The following CLEC4M variants were observed in gnomAD, a reference collection of about 807,000 sequenced individuals.
CLEC4M encodes CD209 antigen-like protein 1.
A neutral mutation model predicts 39.1 loss-of-function variants in CLEC4M; 25 were observed. The observed-to-expected ratio is 0.64, with a 90% confidence interval of 0.47 to 0.89. The LOEUF (loss-of-function observed/expected upper bound fraction) is 0.89, where lower values mean the gene tolerates loss of function less well. Among genes scored for constraint, CLEC4M ranks in the 40% least tolerant of loss-of-function variants. CLEC4M has a pLI of 0.00. For missense variants in CLEC4M, 353 were observed against 431.4 expected, an observed-to-expected ratio of 0.82 and a Z score of 1.61; for synonymous variants, 155 against 177.4, an observed-to-expected ratio of 0.87 and a Z score of 1.00.
chr19:7,766,944 G>A, intron 5 of CLEC4M, 137 bp downstream of exon 5: 3 of 1,447,926 alleles, frequency 2.1e-6, no homozygotes, highest in Non-Finnish European at 2.8e-6. Context: ...TATGAATGAA[G>A]GGGTCCCAGG....
Position 7,763,294 on chromosome 19 carries a change from C to T in CLEC4M, c.28C>T (p.Gln10Ter). 1 of 1,608,296 alleles carries T rather than the reference C, an allele frequency of 6.2e-7. No individual in the cohort carries two copies. The highest frequency in any genetic ancestry group is 8.5e-7 in the Non-Finnish European group (1 of 1,177,182). Residue 10 changes from glutamine to a stop codon, truncating the protein, a stop_gained, in exon 1 of 7, where the codon CAG becomes TAG. Transcript: ENST00000327325. LOFTEE classifies it high-confidence loss of function. ...GAGTGACTCCAAGGAACCAAGGGTG[C>T]AGCAGCTGGGCCTCCTGGGTAAGGC... MSDSKEPRV[Q>*]QLGLLEEDPT...
rs756357978 is a variant in CLEC4M at position 7,766,780 on chromosome 19, C to T, written c.909C>T (p.Leu303=). Residue 303 remains leucine, a synonymous_variant, in exon 5 of 7, where the codon CTC becomes CTT. Transcript: ENST00000327325. ...VTACQEVRAQ[L]VVIKTAEEQN... is the part of the protein sequence containing the mutation. The stretch of plus-strand genomic sequence containing the variant: ...CCTGCCAGGAAGTGAGGGCCCAGCT[C>T]GTCGTAATCAAAACTGCTGAGGAGC... The T allele has an allele frequency of 1.7e-5, 27 of 1,614,054 alleles. No homozygotes were observed. Among genetic ancestry groups the T allele is most frequent in the East Asian group, 1.3e-4 (6 of 44,890 alleles).
chr19:7,766,178 A>C lies in CLEC4M; in HGVS notation c.755A>C (p.Gln252Pro). Residue 252 changes from glutamine (Q) to proline (P), a missense_variant, in exon 4 of 7, where the codon CAA (glutamine) becomes CCA (proline). Around this residue, in one of 4 missense-constraint regions of CLEC4M, gnomAD observed 196 missense variants for 211.7 expected, o/e 0.93. Transcript: ENST00000327325. Reference protein sequence around the residue: ...PDQSKQQQIYQELTDLKTAFE... With the variant: ...PDQSKQQQIYPELTDLKTAFE... ...CAGTCCAAGCAGCAGCAAATCTATCAAGAACTGACCGATTTGAAGACTGCA... is the reference window on the plus strand; with the variant it reads ...CAGTCCAAGCAGCAGCAAATCTATCCAGAACTGACCGATTTGAAGACTGCA... The C allele has an allele frequency of 1.2e-6, 2 of 1,614,238 alleles. No homozygotes were observed.
intron 6 of CLEC4M, chr19:7,768,628 C>T: frequency 2.2e-6 from 1 of 447,296 alleles, no homozygotes. Context: ...AAAATCACAG[C>T]CTCAGTAGGA....
rs1385246806 is a variant in CLEC4M at position 7,766,690 on chromosome 19, A to G, written c.819A>G (p.Thr273=). 4 of 1,614,232 alleles carry G rather than the reference A, an allele frequency of 2.5e-6. No homozygotes were observed. The East Asian group carries it at 6.7e-5, about 27-fold the overall frequency. The part of the protein sequence containing the change: ...RLCRHCPKDW[T]FFQGNCYFMS... ...GCCGCCACTGTCCCAAGGACTGGAC[A>G]TTCTTCCAAGGAAACTGTTACTTCA... is the stretch of plus-strand genomic sequence containing the variant. The change falls in exon 5 of 7, where the codon ACA becomes ACG. Residue 273 remains threonine, a synonymous_variant. Transcript: ENST00000327325.
At chr19:7,767,091 T>C (rs749517894) in intron 5 of CLEC4M, 270 of 505,016 alleles carry the variant, frequency 5.3e-4, no homozygotes, top group Non-Finnish European at 7.7e-4. Context: ...TGATGTGTTG[T>C]GTTTGCCAAT....
At chr19:7,767,217 C>T (rs566402872) in intron 5 of CLEC4M, 9 of 436,014 alleles carry the variant, frequency 2.1e-5, no homozygotes, top group Non-Finnish European at 2.1e-5. Context: ...TCCAATGTGG[C>T]TCCAGTACAT....
intron 3 of CLEC4M, 44 bp from the exon 4 acceptor site, chr19:7,765,594 C>T (rs761463467): frequency 6.2e-7 from 1 of 1,612,218 alleles, no homozygotes; most frequent in Non-Finnish European, 8.5e-7. Flanking sequence ...GCTTGGCACA[C>T]AGTAGGTGTT....
At chr19:7,764,351 T>C (rs1302837869) in intron 2 of CLEC4M, among the ~76,000 whole-genome samples, 1 of 152,168 alleles carries the variant, frequency 6.6e-6, no homozygotes, top group Non-Finnish European at 1.5e-5. Context: ...ATCTGCCTAG[T>C]GACCTTGCAG....
At position 7,768,937 on chromosome 19, in the gene CLEC4M, T is replaced by C. The variant is rs1247877494; in HGVS notation, c.1149T>C (p.Val383=). 1.2e-6 allele frequency: 2 copies of C among 1,613,994 alleles called. No homozygotes were observed. Among genetic ancestry groups the C allele is most frequent in the Non-Finnish European group, 1.7e-6 (2 of 1,180,004 alleles). Residue 383 remains valine, a synonymous_variant, in exon 7 of 7, where the codon GTT becomes GTC. Transcript: ENST00000327325. ...GCTGGAACGACAATCGATGTGACGT[T>C]GACAATTACTGGATCTGCAAAAAGC... ...GSGWNDNRCD[V]DNYWICKKPA... is the part of the protein sequence containing the mutation.
In CLEC4M at chr19:7,769,045, T is replaced by C; in HGVS notation, c.*57T>C. Reference sequence around the variant, plus strand: ...GGTATAGCAGAACTTCACCCACTTGTAAGCCAGCGCTTCTTCTCTCCATCC... The same window carrying C: ...GGTATAGCAGAACTTCACCCACTTGCAAGCCAGCGCTTCTTCTCTCCATCC... On this transcript the variant is annotated 3_prime_UTR_variant, in exon 7 of 7. Transcript: ENST00000327325. The C allele has an allele frequency of 1.9e-6, 3 of 1,566,010 alleles. No homozygotes were observed. The highest frequency in any genetic ancestry group is 8.7e-7 in the Non-Finnish European group (1 of 1,145,692).
rs750171731 is a variant in CLEC4M at position 7,768,927 on chromosome 19, G to A, written c.1139G>A (p.Arg380Gln). The A allele has an allele frequency of 1.9e-5, 31 of 1,613,992 alleles. No individual in the cohort carries two copies. The highest frequency in any genetic ancestry group is 3.3e-4 in the Middle Eastern group (2 of 6,084). The change falls in exon 7 of 7, where the codon CGA (arginine) becomes CAA (glutamine). Residue 380 changes from arginine (R) to glutamine (Q), a missense_variant. This residue lies in a region of CLEC4M where 196 missense variants were observed against 211.7 expected (regional missense o/e 0.93). Coordinates refer to ENST00000327325, the MANE Select transcript of CLEC4M (RefSeq NM_014257.5). ...AGTGGCAGTGGCTGGAACGACAATC[G>A]ATGTGACGTTGACAATTACTGGATC... The part of the protein sequence containing the change: ...EFSGSGWNDN[R>Q]CDVDNYWICK...
intron 4 of CLEC4M, 51 bp from the exon 5 acceptor site, chr19:7,766,605 G>C (rs780003860): frequency 5.6e-6 from 9 of 1,610,966 alleles, no homozygotes; most frequent in Non-Finnish European, 7.6e-6. Context: ...GCAGATATGG[G>C]AATATGGACA....
rs1427296672 is a variant in CLEC4M, at chr19:7,768,942, A to G, written c.1154A>G (p.Asn385Ser). 6.2e-7 allele frequency: 1 copy of G among 1,614,108 alleles called. No individual in the cohort carries two copies. The highest frequency in any genetic ancestry group is 1.7e-5 in the Admixed American group (1 of 60,018). The stretch of plus-strand genomic sequence containing the variant: ...AACGACAATCGATGTGACGTTGACA[A>G]TTACTGGATCTGCAAAAAGCCCGCA... ...GWNDNRCDVD[N>S]YWICKKPAAC... Residue 385 changes from asparagine to serine, a missense_variant, in exon 7 of 7, where the codon AAT becomes AGT. Asn to Ser is a conservative substitution (Grantham distance 46, BLOSUM62 1). Around this residue, in one of 4 missense-constraint regions of CLEC4M, gnomAD observed 196 missense variants for 211.7 expected, o/e 0.93. Transcript: ENST00000327325.
chr19:7,765,299 C>T, intron 3 of CLEC4M, 31 bp downstream of exon 3: 1 of 1,611,768 alleles, frequency 6.2e-7, no homozygotes, highest in Middle Eastern at 1.7e-4. Context: ...GTCTGGGGTC[C>T]CCAGGCCTGG....
intron 2 of CLEC4M, 25 bp downstream of exon 2, chr19:7,763,501 A>T: frequency 6.3e-7 from 1 of 1,596,446 alleles, no homozygotes; most frequent in South Asian, 1.1e-5. Context: ...GGGAGCAGAT[A>T]GTGGAAGACA....
chr19:7,765,616 G>T, intron 3 of CLEC4M, 22 bp from the exon 4 acceptor site: 1 of 1,613,608 alleles, frequency 6.2e-7, no homozygotes, highest in South Asian at 1.1e-5. Flanking sequence ...AATAATTGCA[G>T]TTCCTTTTCT....
chr19:7,765,219 C>A lies in CLEC4M; in HGVS notation c.165C>A (p.Leu55=). The change falls in exon 3 of 7, where the codon CTC becomes CTA. Residue 55 remains leucine (L), a synonymous_variant. Coordinates refer to ENST00000327325, the MANE Select transcript of CLEC4M (RefSeq NM_014257.5). ...GCCATGGCGCCCTGGTGCTGCAACT[C>A]CTCTCCTTCATGCTCTTGGCTGGGG... ...CLGHGALVLQ[L]LSFMLLAGVL... 1 of 1,614,120 alleles carries A rather than the reference C, an allele frequency of 6.2e-7. No individual in the cohort carries two copies.
In CLEC4M at chr19:7,768,892, T is replaced by C. The variant is rs1599528191; in HGVS notation, c.1104T>C (p.Cys368=). Residue 368 remains cysteine, a synonymous_variant, in exon 7 of 7, where the codon TGT becomes TGC. Coordinates refer to ENST00000327325, the MANE Select transcript of CLEC4M (RefSeq NM_014257.5). ...GEPNNSGNED[C]AEFSGSGWND... ...CCAACAATAGCGGGAATGAAGACTGTGCGGAATTTAGTGGCAGTGGCTGGA... is the reference window on the plus strand; with the variant it reads ...CCAACAATAGCGGGAATGAAGACTGCGCGGAATTTAGTGGCAGTGGCTGGA... 2 of 1,614,184 alleles carry C rather than the reference T, an allele frequency of 1.2e-6. No individual in the cohort carries two copies. The highest frequency in any genetic ancestry group is 1.7e-6 in the Non-Finnish European group (2 of 1,180,026).
Sources: gnomAD v4.1 joint callset for allele counts (sites outside exome capture counted in the v4.1 genomes callset) on GRCh38, gnomAD v4.1.1 for gene constraint, gnomAD v4.1.1 regional missense constraint, MANE v1.5 for transcripts, NCBI Gene and HGNC (gene_info 2026-07-23, HGNC 2026-07-21) for gene names.